The following SOX6 variants were observed in gnomAD, a reference collection of about 807,000 sequenced individuals.
SOX6 encodes SRY-box transcription factor 6, also known as transcription factor SOX-6.
SOX6 carries 11 observed loss-of-function variants against 97.8 expected under a neutral mutation model. The observed-to-expected ratio is 0.11, with a 90% confidence interval of 0.07 to 0.19. The LOEUF is 0.19. Among genes scored for constraint, SOX6 ranks in the 10% least tolerant of loss-of-function variants. SOX6 has a pLI of 1.00. For synonymous variants in SOX6, 360 were observed against 371.4 expected (o/e 0.97, Z 0.35); for missense variants, 810 against 1,039.5 (o/e 0.78, Z 3.04).
At position 16,259,972 on chromosome 11, in the gene SOX6, T is replaced by TGC. The variant is rs572324739; in HGVS notation, c.446-25302_446-25301insGC. Among the ~76,000 whole-genome samples, 19 of 152,138 alleles carry TGC rather than the reference T, an allele frequency of 1.2e-4. No homozygotes were observed. In the South Asian group the frequency reaches 3.9e-3, roughly 32 times the overall value. ...GTGTGTGTGTGTGTGTGTGTGTGTG[T>TGC]GTATATATACACATATACATATATA... On this transcript the variant is annotated intron_variant, in intron 3 of 15. Transcript: ENST00000683767.
chr11:16,282,788 A>G (rs1047566336), intron 3 of SOX6, among the ~76,000 whole-genome samples: 5 of 151,192 alleles, frequency 3.3e-5, no homozygotes, highest in East Asian at 1.9e-4. Context: ...CCAAAAAACT[A>G]TACATTTTGA....
chr11:16,210,531 A>T (rs1852191954), intron 4 of SOX6, among the ~76,000 whole-genome samples: 1 of 152,182 alleles, frequency 6.6e-6, no homozygotes, highest in Non-Finnish European at 1.5e-5. Context: ...AATTTCTCTG[A>T]GGGTGATGTA....
chr11:16,633,627 C>T (rs1310884179), intron 3 of SOX6, among the ~76,000 whole-genome samples: 1 of 152,138 alleles, frequency 6.6e-6, no homozygotes, highest in Non-Finnish European at 1.5e-5. Flanking sequence ...GCTAAAACTT[C>T]AATAGAAAGC....
intron 9 of SOX6, among the ~76,000 whole-genome samples, chr11:16,087,480 T>C: frequency 6.6e-6 from 1 of 152,162 alleles, no homozygotes; most frequent in East Asian, 1.9e-4. Flanking sequence ...CAGACTTATA[T>C]ACTATTAAAC....
At position 16,149,349 on chromosome 11, in the gene SOX6, GA is replaced by G. The variant is rs1006619900; in HGVS notation, c.777+34536del. Among the ~76,000 whole-genome samples, 12 of 150,940 alleles carry G rather than the reference GA, an allele frequency of 8.0e-5. No individual in the cohort carries two copies. The East Asian group carries it at 1.7e-3, about 22-fold the overall frequency. On this transcript the variant is annotated intron_variant, in intron 6 of 15. Transcript: ENST00000683767. The stretch of plus-strand genomic sequence containing the variant: ...AATTTCCTTGGCAGCTGAACCAGCA[GA>G]AAAAAAAATATGCAATAAACAGATT...
At chr11:16,262,103 A>T (rs1565055458) in intron 3 of SOX6, among the ~76,000 whole-genome samples, 1 of 152,020 alleles carries the variant, frequency 6.6e-6, no homozygotes, top group Non-Finnish European at 1.5e-5. Context: ...CCTCTATTCA[A>T]ATTTGACAAC....
intron 3 of SOX6, among the ~76,000 whole-genome samples, chr11:16,625,928 T>C (rs1323729387): frequency 3.3e-5 from 5 of 152,086 alleles, no homozygotes; most frequent in Non-Finnish European, 7.4e-5. Flanking sequence ...TTCTAGAAAA[T>C]TATTGAACCA....
intron 9 of SOX6, among the ~76,000 whole-genome samples, chr11:16,057,154 G>A (rs899987545): frequency 3.3e-5 from 5 of 151,936 alleles, no homozygotes; most frequent in African/African-American, 9.7e-5. Context: ...CATTCTAAAT[G>A]TTATATCATT....
intron 3 of SOX6, among the ~76,000 whole-genome samples, chr11:16,668,791 T>C (rs939222833): frequency 6.6e-6 from 1 of 151,908 alleles, no homozygotes; most frequent in African/African-American, 2.4e-5. Context: ...ACAAAAAGTA[T>C]AAAAAGAAAT....
intron 3 of SOX6, among the ~76,000 whole-genome samples, chr11:16,625,208 T>C (rs554504027): frequency 3.6e-4 from 55 of 152,354 alleles, no homozygotes; most frequent in African/African-American, 1.3e-3. Flanking sequence ...TTATCTTGTA[T>C]TGATGTTGCA....
chr11:16,132,354 GA>G (rs1564972050), intron 6 of SOX6, among the ~76,000 whole-genome samples: 1 of 61,680 alleles, frequency 1.6e-5, no homozygotes, highest in African/African-American at 7.6e-5. Flanking sequence ...AAGAAAGAAA[GA>G]AAGAAAGAAA....
In SOX6 at chr11:16,574,348, A is replaced by G. The variant is rs187693296; in HGVS notation, n.609+37733T>C. On this transcript the variant is annotated intron_variant and non_coding_transcript_variant, in intron 4 of 5. Transcript: ENST00000524520. ...CAAAGAAACCCATGTTTATATAGGC[A>G]TTTGACATAAGACAAAGGTAACCCT... is the stretch of plus-strand genomic sequence containing the variant. Among the ~76,000 whole-genome samples the G allele has an allele frequency of 2.6e-3, 391 of 152,276 alleles. 1 individual carries two copies. Among genetic ancestry groups the G allele is most frequent in the South Asian group, 7.2e-3 (35 of 4,830 alleles).
chr11:16,722,294 G>C (rs1848273137), intron 2 of SOX6, among the ~76,000 whole-genome samples: 1 of 152,154 alleles, frequency 6.6e-6, no homozygotes, highest in Non-Finnish European at 1.5e-5. Context: ...CTAATATCCA[G>C]CATCTATAAG....
At position 16,489,321 on chromosome 11, in the gene SOX6, T is replaced by C. The variant is rs528735301; in HGVS notation, n.610-12933A>G. On this transcript the variant is annotated intron_variant and non_coding_transcript_variant, in intron 4 of 5. Transcript: ENST00000524520. ...AGTATTTTCTAAATTGTCATTAACATGCAAGTAAATCTTCTAATTAATAAT... is the reference window on the plus strand; with the variant it reads ...AGTATTTTCTAAATTGTCATTAACACGCAAGTAAATCTTCTAATTAATAAT... Among the ~76,000 whole-genome samples the C allele has an allele frequency of 1.5e-3, 225 of 152,268 alleles. 1 individual carries two copies. The highest frequency in any genetic ancestry group is 5.1e-3 in the African/African-American group (213 of 41,580).
intron 6 of SOX6, among the ~76,000 whole-genome samples, chr11:16,150,642 T>C (rs560571836): frequency 7.2e-5 from 11 of 152,180 alleles, no homozygotes; most frequent in Non-Finnish European, 1.0e-4. Flanking sequence ...AGCCACAGAT[T>C]TGTTTTAACA....
chr11:16,485,918 A>AGGGG (rs1565160089), intron 4 of SOX6, among the ~76,000 whole-genome samples: 32 of 67,132 alleles, frequency 4.8e-4, no homozygotes, highest in African/African-American at 1.9e-3. Flanking sequence ...AAGAAAAGGG[A>AGGGG]AGGGGAGGGG....
intron 6 of SOX6, among the ~76,000 whole-genome samples, chr11:16,177,621 A>ATCTCTGTC (rs374826476): frequency 6.9e-6 from 1 of 145,656 alleles, no homozygotes; most frequent in Non-Finnish European, 1.5e-5. Context: ...GAATAAGATG[A>ATCTCTGTC]TCTCTCTCTC....
intron 3 of SOX6, among the ~76,000 whole-genome samples, chr11:16,296,269 T>C (rs1279571154): frequency 6.6e-6 from 1 of 152,130 alleles, no homozygotes; most frequent in African/African-American, 2.4e-5. Flanking sequence ...TTTAATACCA[T>C]GCTTTACTCA....
chr11:16,400,862 A>G lies in SOX6; in HGVS notation c.-4-59610T>C, dbSNP rs144631835. Among the ~76,000 whole-genome samples, 1,345 of 151,622 alleles carry G rather than the reference A, an allele frequency of 8.9e-3. 11 individuals carry two copies. Among genetic ancestry groups the G allele is most frequent in the Middle Eastern group, 0.017 (5 of 294 alleles). On this transcript the variant is annotated intron_variant, in intron 1 of 15. Transcript: ENST00000396356. ...TTATGAAATAATAAGGTAAAATTAT[A>G]AGTTATTTTATTTCCTCCTTTATGA...
Sources: gnomAD v4.1 joint callset for allele counts (sites outside exome capture counted in the v4.1 genomes callset) on GRCh38, gnomAD v4.1.1 for gene constraint, MANE v1.5 for transcripts, NCBI Gene and HGNC (gene_info 2026-07-23, HGNC 2026-07-21) for gene names.